Variants in NCOA3 observed in about 807,000 individuals in gnomAD.
NCOA3 encodes the protein nuclear receptor coactivator 3, also known as CBP-interacting protein.
NCOA3 carries 51 observed loss-of-function variants against 158.8 expected under a neutral mutation model. The observed-to-expected ratio is 0.32, with a 90% CI of 0.26 to 0.41. The LOEUF (loss-of-function observed/expected upper bound fraction) is 0.41, where lower values mean the gene tolerates loss of function less well. Ranked by LOEUF, NCOA3 falls within the 10% of genes least tolerant of loss-of-function variation. The probability of loss-of-function intolerance (pLI) is 1.00; values close to 1 mark genes in which losing one functional copy is unlikely to be tolerated. For missense variants in NCOA3, 1,510 were observed against 1,746.6 expected (o/e 0.86, Z 2.41); for synonymous variants, 537 against 592.4 (o/e 0.91, Z 1.36).
intron 4 of NCOA3, among the ~76,000 whole-genome samples, chr20:47,624,595 C>A (rs2086292765): frequency 6.6e-6 from 1 of 152,154 alleles, no homozygotes; most frequent in Non-Finnish European, 1.5e-5. Context: ...AGCCCCATTC[C>A]TAACAGGCCA....
chr20:47,542,255 G>A (rs1429407932), intron 1 of NCOA3, among the ~76,000 whole-genome samples: 1 of 151,138 alleles, frequency 6.6e-6, no homozygotes, highest in Non-Finnish European at 1.5e-5. Context: ...ACTCAGGCTG[G>A]TCTGGAACTC....
chr20:47,598,222 G>A (rs1211336974), intron 2 of NCOA3, among the ~76,000 whole-genome samples: 1 of 144,938 alleles, frequency 6.9e-6, no homozygotes, highest in Non-Finnish European at 1.5e-5. Context: ...ACTCCAGCCT[G>A]GGCGATAGGG....
chr20:47,598,011 C>CGA (rs2085791172), intron 2 of NCOA3, among the ~76,000 whole-genome samples: 1 of 150,650 alleles, frequency 6.6e-6, no homozygotes, highest in African/African-American at 2.4e-5. Flanking sequence ...TTTAGGAGGC[C>CGA]GAGGTGGGCG....
chr20:47,517,451 C>CTTTT lies in NCOA3; in HGVS notation c.-99+15446_-99+15449dup, dbSNP rs376699406. On this transcript the variant is annotated intron_variant, in intron 1 of 22. Coordinates refer to ENST00000371998, the MANE Select transcript of NCOA3 (RefSeq NM_181659.3). ...TCTTCTTTTTTTCTTTTTTCTTTTTCTTTTTTTTTTTTTTTTTGAGAAGGA... is the reference window on the plus strand; with the variant it reads ...TCTTCTTTTTTTCTTTTTTCTTTTTCTTTTTTTTTTTTTTTTTTTTTGAGAAGGA... Among the ~76,000 whole-genome samples the CTTTT allele has an allele frequency of 1.2e-4, 16 of 129,278 alleles. 1 individual carries two copies. The highest frequency in any genetic ancestry group is 5.0e-4 in the African/African-American group (16 of 31,736). The allele number at this position is 129,278 out of a possible 152,430, so 84.8% of individuals were successfully genotyped here.
intron 1 of NCOA3, among the ~76,000 whole-genome samples, chr20:47,577,443 A>G (rs1030099060): frequency 5.9e-5 from 9 of 152,230 alleles, no homozygotes; most frequent in African/African-American, 1.9e-4. Flanking sequence ...TAACAACCCC[A>G]TGAAAAAGGC....
At chr20:47,539,525 A>G (rs894592077) in intron 1 of NCOA3, among the ~76,000 whole-genome samples, 8 of 152,126 alleles carry the variant, frequency 5.3e-5, no homozygotes, top group African/African-American at 1.7e-4. Flanking sequence ...TTGAGCACAC[A>G]CTGAATGGCA....
intron 20 of NCOA3, among the ~76,000 whole-genome samples, chr20:47,651,902 G>A (rs971571838): frequency 5.9e-5 from 9 of 151,770 alleles, no homozygotes; most frequent in Non-Finnish European, 1.0e-4. Flanking sequence ...TCCTGACCTC[G>A]TGATCTGCCT....
intron 2 of NCOA3, among the ~76,000 whole-genome samples, chr20:47,614,744 T>C (rs2086105080): frequency 6.6e-6 from 1 of 152,096 alleles, no homozygotes; most frequent in Non-Finnish European, 1.5e-5. Context: ...GAAGTAAGGG[T>C]TATGGGTAAT....
intron 1 of NCOA3, among the ~76,000 whole-genome samples, chr20:47,571,002 GTA>G (rs796479651): frequency 7.0e-6 from 1 of 141,912 alleles, no homozygotes; most frequent in Non-Finnish European, 1.5e-5. Flanking sequence ...GTGTGTGTGT[GTA>G]TATACATTTT....
intron 1 of NCOA3, among the ~76,000 whole-genome samples, chr20:47,511,560 T>TACACACACACATACACATATA (rs1569310982): frequency 1.8e-4 from 1 of 5,518 alleles, no homozygotes; most frequent in Non-Finnish European, 1.3e-3. Context: ...TATATATTTC[T>TACACACACACATACACATATA]TTTTTTTTTT....
chr20:47,560,372 C>T (rs66468173), intron 1 of NCOA3, among the ~76,000 whole-genome samples: 19,468 of 152,142 alleles, frequency 0.13, 1,712 homozygotes, highest in African/African-American at 0.24. Context: ...CCATCGTGCC[C>T]GGCCATGAGG....
At chr20:47,524,919 T>A (rs534425552) in intron 1 of NCOA3, among the ~76,000 whole-genome samples, 35 of 152,018 alleles carry the variant, frequency 2.3e-4, no homozygotes, top group South Asian at 2.1e-3. Flanking sequence ...TATTTTATTT[T>A]ATTTATTTAT....
intron 1 of NCOA3, among the ~76,000 whole-genome samples, chr20:47,544,473 A>C (rs1032944479): frequency 2.0e-5 from 3 of 151,696 alleles, no homozygotes; most frequent in African/African-American, 7.3e-5. Context: ...AGCATGCCTG[A>C]CTAATTGTTG....
At chr20:47,639,332 T>C in intron 14 of NCOA3, 130 bp downstream of exon 14, 1 of 938,298 alleles carries the variant, frequency 1.1e-6, no homozygotes, top group East Asian at 2.6e-5. Context: ...TCCATGAATA[T>C]CCTTCATTTA....
chr20:47,551,349 A>G (rs2084924182), intron 1 of NCOA3, among the ~76,000 whole-genome samples: 1 of 152,182 alleles, frequency 6.6e-6, no homozygotes, highest in Non-Finnish European at 1.5e-5. Flanking sequence ...GTTTGTTGTC[A>G]GGCTCCGTGC....
intron 17 of NCOA3, 119 bp from the exon 18 acceptor site, chr20:47,646,954 C>A: frequency 1.2e-6 from 1 of 834,638 alleles, no homozygotes; most frequent in Non-Finnish European, 1.9e-6. Flanking sequence ...TGGCACATAA[C>A]AAGCATTTAC....
intron 1 of NCOA3, among the ~76,000 whole-genome samples, chr20:47,560,370 C>T (rs2085078045): frequency 6.6e-6 from 1 of 152,202 alleles, no homozygotes; most frequent in Non-Finnish European, 1.5e-5. Flanking sequence ...AGCCATCGTG[C>T]CCGGCCATGA....
At chr20:47,524,448 G>A (rs1425677785) in intron 1 of NCOA3, among the ~76,000 whole-genome samples, 1 of 152,194 alleles carries the variant, frequency 6.6e-6, no homozygotes, top group Non-Finnish European at 1.5e-5. Context: ...CCACTCTGAT[G>A]GTTGAATTTC....
rs935920521 is a variant in NCOA3, at chr20:47,502,006, A to G, written c.-112A>G. On this transcript the variant is annotated 5_prime_UTR_variant, in exon 1 of 23. Transcript: ENST00000371998. The stretch of plus-strand genomic sequence containing the variant: ...CGATTTAAAGCTGAGCTGCGAGGAA[A>G]ATGGCGGCGGGAGGTGAGTGGAGAT... 5 of 398,922 alleles carry G rather than the reference A, an allele frequency of 1.3e-5. No individual in the cohort carries two copies. The highest frequency in any genetic ancestry group is 4.1e-5 in the African/African-American group (2 of 48,524). The allele number at this position is 398,922 out of a possible 1,614,324, so 24.7% of individuals were successfully genotyped here.
Sources: gnomAD v4.1 joint callset for allele counts (sites outside exome capture counted in the v4.1 genomes callset) on GRCh38, gnomAD v4.1.1 for gene constraint, MANE v1.5 for transcripts, NCBI Gene and HGNC (gene_info 2026-07-23, HGNC 2026-07-21) for gene names.